The following RGPD5 variants were observed in gnomAD, a reference collection of about 807,000 sequenced individuals.
RGPD5 encodes the protein RANBP2-like and GRIP domain-containing protein 5/6.
chr2:109,774,502 A>ATTT, the RGPD5 span, among the ~76,000 whole-genome samples: 12 of 118 alleles, frequency 0.1, 3 homozygotes, highest in African/African-American at 0.14. Flanking sequence ...AAACAAACAT[A>ATTT]TATATATATA....
At chr2:109,760,796 G>C in the RGPD5 span, among the ~76,000 whole-genome samples, 2 of 140,366 alleles carry the variant, frequency 1.4e-5, no homozygotes, top group Admixed American at 1.5e-4. Flanking sequence ...CGGCCGCTTC[G>C]GGCGGGCGGG....
At chr2:109,765,726 C>G in the RGPD5 span, among the ~76,000 whole-genome samples, 3 of 150,912 alleles carry the variant, frequency 2.0e-5, no homozygotes, top group Non-Finnish European at 4.4e-5. Context: ...CTAACACAGG[C>G]AGGGAGGGAT....
chr2:109,761,600 C>T, the RGPD5 span, among the ~76,000 whole-genome samples: 5 of 148,220 alleles, frequency 3.4e-5, no homozygotes, highest in Admixed American at 1.4e-4. Flanking sequence ...CTTAAAAATC[C>T]CATTGGCTGC....
chr2:109,763,990 C>G, the RGPD5 span, among the ~76,000 whole-genome samples: 22 of 144,636 alleles, frequency 1.5e-4, 1 homozygote, highest in Non-Finnish European at 2.7e-4. Flanking sequence ...TAATTCACAA[C>G]TACCTCCTTT....
At chr2:109,764,207 T>C in the RGPD5 span, among the ~76,000 whole-genome samples, 1 of 149,866 alleles carries the variant, frequency 6.7e-6, no homozygotes, top group African/African-American at 2.5e-5. Context: ...AAGGTGAAGG[T>C]GTTCATTCAG....
chr2:109,761,651 C>G, the RGPD5 span, among the ~76,000 whole-genome samples: 3 of 148,618 alleles, frequency 2.0e-5, 1 homozygote, highest in African/African-American at 7.4e-5. Context: ...TCTGCTCCCC[C>G]CAACCCGCCA....
the RGPD5 span, among the ~76,000 whole-genome samples, chr2:109,766,431 A>G: frequency 6.6e-6 from 1 of 150,592 alleles, no homozygotes; most frequent in Non-Finnish European, 1.5e-5. Flanking sequence ...CTGGGGCCCC[A>G]GAGGATACCA....
the RGPD5 span, among the ~76,000 whole-genome samples, chr2:109,766,712 G>A: frequency 1.4e-5 from 2 of 144,222 alleles, no homozygotes; most frequent in African/African-American, 2.6e-5. Flanking sequence ...GGCAAATTAA[G>A]AAAAAAAACC....
chr2:109,765,486 G>A, the RGPD5 span, among the ~76,000 whole-genome samples: 2 of 150,206 alleles, frequency 1.3e-5, 1 homozygote, highest in African/African-American at 4.9e-5. Flanking sequence ...AACTTAATAG[G>A]AGAATAAGCC....
chr2:109,760,710 C>T, the RGPD5 span, among the ~76,000 whole-genome samples: 10 of 145,590 alleles, frequency 6.9e-5, no homozygotes, highest in South Asian at 2.2e-4. Context: ...GACGCTGACA[C>T]CTCCCACCAT....
At chr2:109,777,689 C>CT in the RGPD5 span, among the ~76,000 whole-genome samples, 1 of 127,180 alleles carries the variant, frequency 7.9e-6, no homozygotes, top group Non-Finnish European at 1.6e-5. Context: ...GATTTGAGTA[C>CT]TTGAGTACTC....
the RGPD5 span, among the ~76,000 whole-genome samples, chr2:109,765,536 G>A: frequency 1.3e-5 from 2 of 150,398 alleles, no homozygotes; most frequent in African/African-American, 4.9e-5. Flanking sequence ...GACACTGCCC[G>A]CTTGAGGGGG....
At chr2:109,763,632 A>G in the RGPD5 span, among the ~76,000 whole-genome samples, 1 of 150,316 alleles carries the variant, frequency 6.7e-6, no homozygotes, top group Non-Finnish European at 1.5e-5. Flanking sequence ...CATAGTTAGG[A>G]AAGTATACCT....
the RGPD5 span, among the ~76,000 whole-genome samples, chr2:109,778,225 C>T: frequency 7.3e-6 from 1 of 136,904 alleles, no homozygotes; most frequent in Non-Finnish European, 1.6e-5. Flanking sequence ...AGTGTAAGGC[C>T]CTAGGGTTGA....
chr2:109,778,497 A>T, the RGPD5 span, among the ~76,000 whole-genome samples: 1 of 150,032 alleles, frequency 6.7e-6, no homozygotes. Flanking sequence ...GGCATTGGAC[A>T]ACTCCAGAAG....
Position 109,794,584 on chromosome 2 carries a change from G to GGGCGGC in RGPD5, c.72+68_72+73dup, listed in dbSNP as rs1306931180. The GGGCGGC allele has an allele frequency of 6.7e-5, 57 of 854,892 alleles. 1 individual carries two copies. The highest frequency in any genetic ancestry group is 1.3e-3 in the Middle Eastern group (2 of 1,576). 53.0% of individuals were successfully genotyped at this position (854,892 alleles called of 1,614,324 possible). A position where few individuals can be genotyped will look rare whatever the true frequency, so the allele number is the denominator to read the frequency against. On this transcript the variant is annotated intron_variant, in intron 1 of 22. Coordinates refer to ENST00000016946, the MANE Select transcript of RGPD5 (RefSeq NM_005054.3). ...CGACGGCGGCCTCGACCCGGCCGGG[G>GGGCGGC]GGCGGCGGCGGCGGCGGCGGCGGCG...
the RGPD5 span, among the ~76,000 whole-genome samples, chr2:109,778,382 A>T: frequency 6.7e-6 from 1 of 148,292 alleles, no homozygotes; most frequent in Non-Finnish European, 1.5e-5. Context: ...GATTCAAGCT[A>T]TTAAGTCCTT....
chr2:109,765,353 C>G, the RGPD5 span, among the ~76,000 whole-genome samples: 6 of 150,180 alleles, frequency 4.0e-5, 1 homozygote, highest in East Asian at 1.2e-3. Flanking sequence ...GTGTGATACA[C>G]TTGGATATTT....
chr2:109,774,505 T>TATATATATATATTTTATATATA, the RGPD5 span, among the ~76,000 whole-genome samples: 4 of 32,082 alleles, frequency 1.2e-4, no homozygotes, highest in Non-Finnish European at 4.6e-5. Flanking sequence ...CAAACATATA[T>TATATATATATATTTTATATATA]ATATATATAA....
Sources: gnomAD v4.1 joint callset for allele counts (sites outside exome capture counted in the v4.1 genomes callset) on GRCh38, gnomAD v4.1.1 for gene constraint, MANE v1.5 for transcripts, NCBI Gene and HGNC (gene_info 2026-07-23, HGNC 2026-07-21) for gene names.